Variants in HIP1 observed in about 807,000 individuals in gnomAD.
HIP1 encodes huntingtin interacting protein 1.
A neutral mutation model predicts 147.6 loss-of-function variants in HIP1; 65 were observed. The observed-to-expected ratio is 0.44, with a 90% CI of 0.36 to 0.54. HIP1 has a LOEUF of 0.54. Among genes scored for constraint, HIP1 ranks in the 20% least tolerant of loss-of-function variants. The pLI is 0.00. For missense variants in HIP1, 1,061 were observed against 1,299.6 expected, an observed-to-expected ratio of 0.82 and a Z score of 2.82; for synonymous variants, 479 against 504.0, an observed-to-expected ratio of 0.95 and a Z score of 0.67.
In HIP1 at chr7:75,533,629, A is replaced by T. The variant is rs1793980998; in HGVS notation, c.*4543T>A. ...CCCTCGGTTTGTCCCTATGAGTGGT[A>T]ATCAGTTTCATTTAGGGCCTTCAAA... is the stretch of plus-strand genomic sequence containing the variant. On this transcript the variant is annotated 3_prime_UTR_variant, in exon 31 of 31. Coordinates refer to ENST00000336926, the MANE Select transcript of HIP1 (RefSeq NM_005338.7). The T allele has an allele frequency of 4.3e-6, 1 of 232,336 alleles. No individual in the cohort carries two copies. The highest frequency in any genetic ancestry group is 1.8e-4 in the South Asian group (1 of 5,530). The allele number at this position is 232,336 out of a possible 1,614,324, so 14.4% of individuals were successfully genotyped here.
intron 1 of HIP1, among the ~76,000 whole-genome samples, chr7:75,701,956 G>A (rs532283948): frequency 2.9e-4 from 44 of 151,848 alleles, no homozygotes; most frequent in Non-Finnish European, 4.1e-4. Context: ...TTTGGACAGA[G>A]TCTCGCTCTG....
chr7:75,564,999 G>A (rs1487688763), intron 9 of HIP1, among the ~76,000 whole-genome samples: 1 of 152,120 alleles, frequency 6.6e-6, no homozygotes, highest in African/African-American at 2.4e-5. Context: ...GGGCTCAAGC[G>A]ATCCTCCCAC....
chr7:75,568,284 G>C lies in HIP1; in HGVS notation c.746-28C>G, dbSNP rs1554495949. ...GGAAGAAATTGGAAAGAGTGTGAGA[G>C]GGGAGGGGGACCAGAGGGCAGGGAA... is the stretch of plus-strand genomic sequence containing the variant. On this transcript the variant is annotated intron_variant, in intron 8 of 30. Transcript: ENST00000336926. This position sits in a 1 kb window ranked among gnomAD's most constrained non-coding sequence, Gnocchi z 4.1. 5 of 1,539,648 alleles carry C rather than the reference G, an allele frequency of 3.2e-6. No individual in the cohort carries two copies. Among genetic ancestry groups the C allele is most frequent in the Non-Finnish European group, 4.5e-6 (5 of 1,112,146 alleles).
At chr7:75,663,714 C>T (rs941566724) in intron 1 of HIP1, among the ~76,000 whole-genome samples, 3 of 150,784 alleles carry the variant, frequency 2.0e-5, no homozygotes, top group Non-Finnish European at 4.4e-5. Flanking sequence ...AGAACAGAGC[C>T]GCCAGGGAGT....
At chr7:75,720,237 T>C (rs1222093307) in intron 1 of HIP1, among the ~76,000 whole-genome samples, 1 of 152,156 alleles carries the variant, frequency 6.6e-6, no homozygotes, top group Non-Finnish European at 1.5e-5. Context: ...CTTGGCTCAC[T>C]GCAACCTCCG....
At chr7:75,609,412 G>A (rs189455545) in intron 1 of HIP1, among the ~76,000 whole-genome samples, 10 of 152,194 alleles carry the variant, frequency 6.6e-5, no homozygotes, top group African/African-American at 7.2e-5. Context: ...AGTTCCCTGC[G>A]AGGACCAGTT....
At chr7:75,660,190 C>G (rs1053539123) in intron 1 of HIP1, among the ~76,000 whole-genome samples, 2 of 147,288 alleles carry the variant, frequency 1.4e-5, no homozygotes, top group African/African-American at 5.1e-5. Context: ...AGTCTACTGC[C>G]GAAGTATTTA....
At chr7:75,611,665 C>T in intron 1 of HIP1, 2 of 1,022,748 alleles carry the variant, frequency 2.0e-6, no homozygotes, top group South Asian at 9.2e-5. Context: ...GGGTGTCTCA[C>T]CTCTGGAGGG....
chr7:75,706,473 C>CTTTTTTTTTTTTTTTTTTTTTTT (rs139655610), intron 1 of HIP1, among the ~76,000 whole-genome samples: 1 of 138,096 alleles, frequency 7.2e-6, no homozygotes, highest in Non-Finnish European at 1.5e-5. Context: ...TATATATCTT[C>CTTTTTTTTTTTTTTTTTTTTTTT]TTTTTTTTTA....
chr7:75,670,200 G>A (rs1799691647), intron 1 of HIP1, among the ~76,000 whole-genome samples: 1 of 152,008 alleles, frequency 6.6e-6, no homozygotes, highest in African/African-American at 2.4e-5. Context: ...TAGGCTGGGG[G>A]CCTGTGGTGG....
intron 9 of HIP1, among the ~76,000 whole-genome samples, chr7:75,564,574 G>A (rs762986593): frequency 6.6e-6 from 1 of 151,894 alleles, no homozygotes; most frequent in Non-Finnish European, 1.5e-5. Flanking sequence ...GGTTATAGGC[G>A]TGAGCCAATG....
At chr7:75,734,072 C>G (rs1399210614) in intron 1 of HIP1, among the ~76,000 whole-genome samples, 1 of 151,924 alleles carries the variant, frequency 6.6e-6, no homozygotes, top group Non-Finnish European at 1.5e-5. Context: ...AAGTGAGACC[C>G]TGTCTCTACT....
At chr7:75,639,217 G>A in intron 1 of HIP1, 1 of 980,366 alleles carries the variant, frequency 1.0e-6, no homozygotes, top group Non-Finnish European at 1.2e-6. Context: ...CGGCGGCGGC[G>A]GCACCAAGGC....
chr7:75,599,622 G>A (rs1472888712), intron 1 of HIP1, among the ~76,000 whole-genome samples: 2 of 152,130 alleles, frequency 1.3e-5, no homozygotes, highest in Non-Finnish European at 2.9e-5. Context: ...AGAGATCAGG[G>A]AGCGACCGTG....
chr7:75,535,243 A>G lies in HIP1; in HGVS notation c.*2929T>C, dbSNP rs1584761268. ...TCTTTTTAGAGACAGGATCATTCAGATAATTTTTTGTTTGTTTTTAAAGAG... is the reference window on the plus strand; with the variant it reads ...TCTTTTTAGAGACAGGATCATTCAGGTAATTTTTTGTTTGTTTTTAAAGAG... On this transcript the variant is annotated 3_prime_UTR_variant, in exon 31 of 31. Transcript: ENST00000336926. 1 of 208,902 alleles carries G rather than the reference A, an allele frequency of 4.8e-6. No homozygotes were observed. The highest frequency in any genetic ancestry group is 9.7e-6 in the Non-Finnish European group (1 of 102,714). The allele number at this position is 208,902 out of a possible 1,614,324, so 12.9% of individuals were successfully genotyped here. A position where few individuals can be genotyped will look rare whatever the true frequency, so the allele number is the denominator to read the frequency against.
At chr7:75,595,251 T>TCTTTCTTTCTTTCTTTCTTC (rs1491144475) in intron 2 of HIP1, among the ~76,000 whole-genome samples, 5 of 59,494 alleles carry the variant, frequency 8.4e-5, no homozygotes, top group Non-Finnish European at 9.3e-5. Context: ...TTTCTTTCTT[T>TCTTTCTTTCTTTCTTTCTTC]CTTCCTTCCT....
chr7:75,737,502 G>A (rs1802063947), intron 1 of HIP1, among the ~76,000 whole-genome samples: 1 of 151,878 alleles, frequency 6.6e-6, no homozygotes, highest in South Asian at 2.1e-4. Flanking sequence ...CTGCAACCAC[G>A]CCCAGCTAAT....
intron 23 of HIP1, 48 bp downstream of exon 23, chr7:75,548,843 G>A: frequency 7.6e-7 from 1 of 1,307,356 alleles, no homozygotes; most frequent in Non-Finnish European, 1.1e-6. Flanking sequence ...GTTGCAGAAG[G>A]GCAGCTGCAA....
intron 1 of HIP1, among the ~76,000 whole-genome samples, chr7:75,677,404 G>A (rs769124584): frequency 2.7e-5 from 4 of 148,896 alleles, no homozygotes; most frequent in Admixed American, 1.4e-4. Context: ...TCAGGAGTTC[G>A]AAACCACCTG....
Sources: allele counts gnomAD v4.1 joint callset (sites outside exome capture counted in the v4.1 genomes callset), GRCh38; gene constraint gnomAD v4.1.1; non-coding constraint Gnocchi (gnomAD v3.1); transcripts MANE v1.5; gene names NCBI Gene and HGNC (gene_info 2026-07-23, HGNC 2026-07-21).